The following MAD1L1 variants were observed in gnomAD, a reference collection of about 807,000 sequenced individuals.
MAD1L1 encodes the protein mitotic arrest deficient 1 like 1, also known as mitotic spindle assembly checkpoint protein MAD1.
Under a neutral mutation model 96.9 loss-of-function variants are expected in MAD1L1, and 95 were observed. The ratio of observed to expected loss-of-function variants is 0.98; its 90% confidence interval spans 0.83 to 1.16. The LOEUF (loss-of-function observed/expected upper bound fraction) is 1.16, where lower values mean the gene tolerates loss of function less well. Ranked by LOEUF, MAD1L1 falls within the 50% of genes most tolerant of loss-of-function variation. MAD1L1 has a pLI of 0.00. For missense variants in MAD1L1, 1,007 were observed against 954.4 expected, an observed-to-expected ratio of 1.06 and a Z score of -0.73; for synonymous variants, 473 against 396.6, an observed-to-expected ratio of 1.19 and a Z score of -2.29.
intron 18 of MAD1L1, among the ~76,000 whole-genome samples, chr7:1,862,390 C>A (rs1784575713): frequency 1.3e-5 from 2 of 152,236 alleles, no homozygotes; most frequent in Admixed American, 1.3e-4. Context: ...GCCTTCCCTC[C>A]TCATGTCCCT....
At chr7:1,879,595 T>C (rs1785568861) in intron 18 of MAD1L1, among the ~76,000 whole-genome samples, 1 of 152,228 alleles carries the variant, frequency 6.6e-6, no homozygotes, top group African/African-American at 2.4e-5. Context: ...AGAATAGCTA[T>C]AATTTTGAAA....
chr7:1,940,964 G>GCAAGCCTCACCCTCCTCTTCCTCTCC (rs1778941465), intron 16 of MAD1L1, among the ~76,000 whole-genome samples: 1 of 64,328 alleles, frequency 1.6e-5, no homozygotes, highest in African/African-American at 6.0e-5. Flanking sequence ...TCCTCCCCCC[G>GCAAGCCTCACCCTCCTCTTCCTCTCC]CAGGCCTCAC....
chr7:2,227,196 T>C (rs1254510722), intron 3 of MAD1L1, among the ~76,000 whole-genome samples: 3 of 151,780 alleles, frequency 2.0e-5, no homozygotes, highest in Admixed American at 6.6e-5. Context: ...CTCGGGAGGC[T>C]GAGGAGGGAG....
chr7:1,909,318 G>A (rs868484147), intron 17 of MAD1L1, among the ~76,000 whole-genome samples: 4 of 152,306 alleles, frequency 2.6e-5, no homozygotes, highest in Middle Eastern at 6.8e-3. Flanking sequence ...CCCCGGTCCT[G>A]CCCAGGCCCA....
At chr7:1,980,602 C>T in intron 14 of MAD1L1, 61 bp from the exon 15 acceptor site, 1 of 1,410,364 alleles carries the variant, frequency 7.1e-7, no homozygotes. Flanking sequence ...GTGTGGGGAA[C>T]CCCAGCCCAG....
At chr7:2,187,038 C>T (rs1188709072) in intron 10 of MAD1L1, among the ~76,000 whole-genome samples, 1 of 152,040 alleles carries the variant, frequency 6.6e-6, no homozygotes, top group African/African-American at 2.4e-5. Flanking sequence ...GGTGATCTGC[C>T]CACCTTGGCC....
At chr7:2,043,260 G>C (rs1248417834) in intron 12 of MAD1L1, among the ~76,000 whole-genome samples, 2 of 152,158 alleles carry the variant, frequency 1.3e-5, no homozygotes, top group Non-Finnish European at 2.9e-5. Flanking sequence ...AGGGGCACAG[G>C]GTAATACATA....
chr7:2,059,886 T>C (rs1401614687), intron 12 of MAD1L1, among the ~76,000 whole-genome samples: 1 of 152,036 alleles, frequency 6.6e-6, no homozygotes, highest in South Asian at 2.1e-4. Context: ...GAAGACAACA[T>C]GAAAACTGCG....
intron 11 of MAD1L1, among the ~76,000 whole-genome samples, chr7:2,132,204 G>A (rs1584396786): frequency 6.6e-6 from 1 of 152,198 alleles, no homozygotes; most frequent in East Asian, 1.9e-4. Context: ...AAACTGAGGA[G>A]AAATGAGAGT....
chr7:2,182,811 A>C (rs1351792897), intron 10 of MAD1L1, among the ~76,000 whole-genome samples: 2 of 152,256 alleles, frequency 1.3e-5, no homozygotes, highest in Non-Finnish European at 2.9e-5. Flanking sequence ...AAAGGAGAAC[A>C]GGGAACTTCG....
chr7:2,000,890 C>A (rs1021652388), intron 14 of MAD1L1, among the ~76,000 whole-genome samples: 2 of 152,202 alleles, frequency 1.3e-5, no homozygotes. Context: ...CGCCGCTGGG[C>A]AGCTTCTTCC....
chr7:2,218,175 G>A (rs554915065), intron 6 of MAD1L1, 132 bp from the exon 7 acceptor site: 6 of 673,520 alleles, frequency 8.9e-6, no homozygotes, highest in South Asian at 5.1e-5. Context: ...GACCTCCCAC[G>A]GCACAGACCC....
intron 12 of MAD1L1, among the ~76,000 whole-genome samples, chr7:2,051,981 G>A (rs1238996946): frequency 6.6e-6 from 1 of 152,080 alleles, no homozygotes; most frequent in Non-Finnish European, 1.5e-5. Context: ...AAGCGTGTTG[G>A]GAATGGATGT....
chr7:2,001,954 AG>A (rs142511367), intron 14 of MAD1L1, 110 bp downstream of exon 14: 49,600 of 1,100,454 alleles, frequency 0.045, 1,701 homozygotes, highest in Admixed American at 0.14. Flanking sequence ...ACGACAGAAG[AG>A]GCAGCCATGC....
chr7:1,970,841 T>C (rs967935430), intron 15 of MAD1L1, among the ~76,000 whole-genome samples: 2 of 152,188 alleles, frequency 1.3e-5, no homozygotes, highest in African/African-American at 4.8e-5. Flanking sequence ...TTTTATTTAC[T>C]TATTGTTTTA....
In MAD1L1 at chr7:2,230,200, G is replaced by A. The variant is rs73673559; in HGVS notation, c.-10-57C>T. The A allele has an allele frequency of 4.0e-3, 5,767 of 1,450,150 alleles. 173 individuals are homozygous for A. The African/African-American group carries it at 0.067, about 17-fold the overall frequency. 89.8% of individuals were successfully genotyped at this position (1,450,150 alleles called of 1,614,324 possible). On this transcript the variant is annotated intron_variant, in intron 2 of 18. Coordinates refer to ENST00000265854, the MANE Select transcript of MAD1L1 (RefSeq NM_001013836.2). ...GCAGCCTTTCCACGTGCCATCAGCCGTGCAGTCAGCAGAGCCTCTGGACAG... is the reference window on the plus strand; with the variant it reads ...GCAGCCTTTCCACGTGCCATCAGCCATGCAGTCAGCAGAGCCTCTGGACAG...
intron 7 of MAD1L1, among the ~76,000 whole-genome samples, chr7:2,217,382 C>T (rs1017083241): frequency 3.9e-5 from 6 of 152,218 alleles, no homozygotes; most frequent in Non-Finnish European, 8.8e-5. Context: ...CCACCAGGAG[C>T]GGACATGGCA....
intron 12 of MAD1L1, among the ~76,000 whole-genome samples, chr7:2,058,016 T>A (rs1392916617): frequency 2.2e-5 from 2 of 89,134 alleles, no homozygotes; most frequent in African/African-American, 5.2e-5. Flanking sequence ...GGAGAGGGAG[T>A]GTGGCCAGAG....
At chr7:2,013,004 A>G (rs1043172486) in intron 13 of MAD1L1, among the ~76,000 whole-genome samples, 1 of 152,228 alleles carries the variant, frequency 6.6e-6, no homozygotes, top group African/African-American at 2.4e-5. Flanking sequence ...GAGACCCTCC[A>G]TTACAATCCT....
Sources: gnomAD v4.1 joint callset for allele counts (sites outside exome capture counted in the v4.1 genomes callset) on GRCh38, gnomAD v4.1.1 for gene constraint, MANE v1.5 for transcripts, NCBI Gene and HGNC (gene_info 2026-07-23, HGNC 2026-07-21) for gene names.